Variants in ATRNL1 observed in about 807,000 individuals in gnomAD.
ATRNL1 encodes attractin-like protein 1.
A neutral mutation model predicts 182.7 loss-of-function variants in ATRNL1; 95 were observed. The observed-to-expected ratio is 0.52, with a 90% confidence interval of 0.44 to 0.62. ATRNL1 has a LOEUF of 0.62. Among genes scored for constraint, ATRNL1 ranks in the 20% least tolerant of loss-of-function variants. The pLI is 0.00. For missense variants in ATRNL1, 1,471 were observed against 1,679.5 expected, an observed-to-expected ratio of 0.88 and a Z score of 2.17; for synonymous variants, 576 against 568.3, an observed-to-expected ratio of 1.01 and a Z score of -0.19.
At chr10:115,868,916 G>A (rs1252724447) in intron 28 of ATRNL1, among the ~76,000 whole-genome samples, 1 of 125,570 alleles carries the variant, frequency 8.0e-6, no homozygotes, top group African/African-American at 3.0e-5. Context: ...TGCAAGCTCC[G>A]CCTCCCAGGT....
At chr10:115,791,602 A>T (rs944357605) in intron 27 of ATRNL1, among the ~76,000 whole-genome samples, 1 of 152,106 alleles carries the variant, frequency 6.6e-6, no homozygotes, top group South Asian at 2.1e-4. Flanking sequence ...GATATCTGGC[A>T]CTCTTTGTAT....
At chr10:115,732,388 C>G (rs146296411) in intron 27 of ATRNL1, among the ~76,000 whole-genome samples, 198 of 152,252 alleles carry the variant, frequency 1.3e-3, no homozygotes, top group African/African-American at 4.4e-3. Context: ...ACCTTTGTAG[C>G]AAGTTTTGGA....
At chr10:115,422,890 G>C (rs187872073) in intron 20 of ATRNL1, among the ~76,000 whole-genome samples, 1 of 152,266 alleles carries the variant, frequency 6.6e-6, no homozygotes, top group East Asian at 1.9e-4. Flanking sequence ...AGGGAGGAGG[G>C]TAAAGTTAGA....
chr10:115,802,428 A>G (rs374461064), intron 27 of ATRNL1, among the ~76,000 whole-genome samples: 51 of 152,328 alleles, frequency 3.3e-4, no homozygotes, highest in African/African-American at 1.2e-3. Flanking sequence ...GAAGCATGTC[A>G]TAGTAAGCAC....
chr10:115,683,797 CAAATTG>C (rs1946131756), intron 26 of ATRNL1, among the ~76,000 whole-genome samples: 1 of 151,686 alleles, frequency 6.6e-6, no homozygotes, highest in Non-Finnish European at 1.5e-5. Flanking sequence ...TTTGTATAAG[CAAATTG>C]AAATTTATTC....
chr10:115,401,686 T>C (rs2134304770), intron 20 of ATRNL1, among the ~76,000 whole-genome samples: 1 of 152,256 alleles, frequency 6.6e-6, no homozygotes, highest in South Asian at 2.1e-4. Flanking sequence ...GTAAAAAGAC[T>C]GTAGAGACTA....
chr10:115,643,425 A>G (rs1555031196), intron 26 of ATRNL1, among the ~76,000 whole-genome samples: 1 of 152,176 alleles, frequency 6.6e-6, no homozygotes, highest in African/African-American at 2.4e-5. Flanking sequence ...CCAGGAAAAG[A>G]CTTTCTAGGT....
At chr10:115,624,406 T>C (rs1555024027) in intron 26 of ATRNL1, among the ~76,000 whole-genome samples, 2 of 152,212 alleles carry the variant, frequency 1.3e-5, no homozygotes, top group Admixed American at 6.5e-5. Flanking sequence ...AATAAACATA[T>C]ATGTTATATA....
intron 20 of ATRNL1, among the ~76,000 whole-genome samples, chr10:115,420,761 A>G (rs530055518): frequency 1.2e-4 from 19 of 152,254 alleles, no homozygotes; most frequent in African/African-American, 4.3e-4. Context: ...AAGAAAATGA[A>G]GAGTTGGTTT....
chr10:115,290,736 G>A (rs2133950191), intron 15 of ATRNL1, among the ~76,000 whole-genome samples: 1 of 152,286 alleles, frequency 6.6e-6, no homozygotes, highest in South Asian at 2.1e-4. Flanking sequence ...AGAGAGAGGG[G>A]CTCTGGAGTG....
In ATRNL1 at chr10:115,093,986, G is replaced by A. The variant is rs782519939; in HGVS notation, c.236G>A (p.Cys79Tyr). The change falls in exon 1 of 29, where the codon TGC becomes TAC. Residue 79 changes from cysteine (C) to tyrosine (Y), a missense_variant. Physicochemically the swap from Cys to Tyr is radical, Grantham distance 194. Transcript: ENST00000355044. This position sits in a 1 kb window ranked among gnomAD's most constrained non-coding sequence, Gnocchi z 6.1. Reference sequence around the variant, plus strand: ...TCGGGCCGCTGTGTCAACTCCACCTGCCTCTGCGACCCGGGCTGGGTGGGG... The same window carrying A: ...TCGGGCCGCTGTGTCAACTCCACCTACCTCTGCGACCCGGGCTGGGTGGGG... Reference protein sequence around the residue: ...CFSGRCVNSTCLCDPGWVGDQ... With the variant: ...CFSGRCVNSTYLCDPGWVGDQ... 1 of 1,585,366 alleles carries A rather than the reference G, an allele frequency of 6.3e-7. No individual in the cohort carries two copies. The highest frequency in any genetic ancestry group is 8.6e-7 in the Non-Finnish European group (1 of 1,167,418).
At chr10:115,917,472 A>G (rs1214308398) in intron 28 of ATRNL1, among the ~76,000 whole-genome samples, 1 of 11,078 alleles carries the variant, frequency 9.0e-5, no homozygotes, top group Admixed American at 1.9e-3. Flanking sequence ...TCTGTCTCAA[A>G]AAAAAAAAAA....
At chr10:115,448,238 T>C (rs1238483585) in intron 21 of ATRNL1, among the ~76,000 whole-genome samples, 1 of 152,178 alleles carries the variant, frequency 6.6e-6, no homozygotes, top group Non-Finnish European at 1.5e-5. Flanking sequence ...ATTTATACAT[T>C]CTTCTCTTTG....
intron 8 of ATRNL1, among the ~76,000 whole-genome samples, chr10:115,192,286 A>C (rs563566385): frequency 6.6e-6 from 1 of 152,098 alleles, no homozygotes; most frequent in Non-Finnish European, 1.5e-5. Context: ...GGTGAGAGGT[A>C]GGGGTCTAGT....
At chr10:115,294,628 C>T (rs1486580546) in intron 15 of ATRNL1, among the ~76,000 whole-genome samples, 1 of 151,984 alleles carries the variant, frequency 6.6e-6, no homozygotes, top group Non-Finnish European at 1.5e-5. Flanking sequence ...ATATTGTTTT[C>T]CTTTGGGGAT....
At chr10:115,181,518 G>A (rs1160770521) in intron 8 of ATRNL1, among the ~76,000 whole-genome samples, 2 of 151,722 alleles carry the variant, frequency 1.3e-5, no homozygotes, top group African/African-American at 4.8e-5. Context: ...TATTCTGTCT[G>A]TAATTACCAG....
At chr10:115,829,153 C>T (rs1950505194) in intron 27 of ATRNL1, among the ~76,000 whole-genome samples, 1 of 151,832 alleles carries the variant, frequency 6.6e-6, no homozygotes, top group African/African-American at 2.4e-5. Context: ...AGTGATATGC[C>T]ACATAGCATT....
At chr10:115,479,072 C>G (rs1554973645) in intron 24 of ATRNL1, among the ~76,000 whole-genome samples, 1 of 151,488 alleles carries the variant, frequency 6.6e-6, no homozygotes. Flanking sequence ...TCTTTTCAGT[C>G]TACTAGCATC....
intron 28 of ATRNL1, among the ~76,000 whole-genome samples, chr10:115,933,903 A>C (rs1417032002): frequency 6.6e-6 from 1 of 152,140 alleles, no homozygotes; most frequent in East Asian, 1.9e-4. Flanking sequence ...TTACCAGGGA[A>C]GCCTCATCCA....
Sources: gnomAD v4.1 joint callset for allele counts (sites outside exome capture counted in the v4.1 genomes callset) on GRCh38, gnomAD v4.1.1 for gene constraint, Gnocchi (gnomAD v3.1) non-coding constraint, MANE v1.5 for transcripts, NCBI Gene and HGNC (gene_info 2026-07-23, HGNC 2026-07-21) for gene names.